Variants in ADAMTS2 observed in about 807,000 individuals in gnomAD.
ADAMTS2 encodes ADAM metallopeptidase with thrombospondin type 1 motif 2.
Under a neutral mutation model 123.0 loss-of-function variants are expected in ADAMTS2, and 50 were observed. The observed-to-expected ratio is 0.41, with a 90% CI of 0.32 to 0.51. The LOEUF (loss-of-function observed/expected upper bound fraction) is 0.51. Ranked by LOEUF, ADAMTS2 falls within the 20% of genes least tolerant of loss-of-function variation. The pLI is 0.35. For missense variants in ADAMTS2, 1,494 were observed against 1,705.2 expected, an observed-to-expected ratio of 0.88 and a Z score of 2.18; for synonymous variants, 678 against 695.4, an observed-to-expected ratio of 0.98 and a Z score of 0.39.
At chr5:179,120,227 T>C (rs1439987731) in intron 21 of ADAMTS2, 1 of 152,136 alleles carries the variant, frequency 6.6e-6, no homozygotes, top group African/African-American at 2.4e-5. Context: ...ACAGGAGGTC[T>C]TTCCATCATT....
At chr5:179,230,074 T>C (rs1765373741) in intron 3 of ADAMTS2, among the ~76,000 whole-genome samples, 1 of 152,206 alleles carries the variant, frequency 6.6e-6, no homozygotes. Context: ...TAGAAAACAC[T>C]ATAATCAAAT....
intron 2 of ADAMTS2, among the ~76,000 whole-genome samples, chr5:179,298,913 G>C (rs1756420458): frequency 6.6e-6 from 1 of 152,068 alleles, no homozygotes; most frequent in Non-Finnish European, 1.5e-5. Context: ...CCTCTAAATA[G>C]CTCTTAAGTT....
At chr5:179,209,005 C>T (rs906248584) in intron 3 of ADAMTS2, among the ~76,000 whole-genome samples, 9 of 152,346 alleles carry the variant, frequency 5.9e-5, no homozygotes, top group Non-Finnish European at 8.8e-5. Context: ...TCACCCCCAA[C>T]GCCTCTCTCC....
At position 179,154,889 on chromosome 5, in the gene ADAMTS2, G is replaced by A. The variant is rs762460815; in HGVS notation, c.1163C>T (p.Pro388Leu). Residue 388 changes from proline to leucine, a missense_variant, in exon 7 of 22, where the codon CCG (proline) becomes CTG (leucine). Pro to Leu is a moderately conservative substitution (Grantham distance 98). This residue lies in a region of ADAMTS2 where 47 missense variants were observed against 92.7 expected (regional missense o/e 0.51). Transcript: ENST00000251582. ...ATGGTTCAGGGTGCAGCTGCGGACC[G>A]GATGGCACATGCCGGTGACAGGAGC... ...GYAPVTGMCH[P>L]VRSCTLNHED... is the part of the protein sequence containing the mutation. The A allele has an allele frequency of 1.2e-5, 19 of 1,613,594 alleles. No homozygotes were observed. The highest frequency in any genetic ancestry group is 2.2e-5 in the South Asian group (2 of 90,974).
chr5:179,218,363 G>C (rs1481051567), intron 3 of ADAMTS2, among the ~76,000 whole-genome samples: 4 of 152,212 alleles, frequency 2.6e-5, no homozygotes, highest in African/African-American at 9.6e-5. Flanking sequence ...TAATCATTAA[G>C]ATGAAATATG....
intron 2 of ADAMTS2, among the ~76,000 whole-genome samples, chr5:179,324,393 C>CTTTTT (rs35845418): frequency 1.6e-4 from 23 of 142,084 alleles, no homozygotes; most frequent in South Asian, 6.7e-4. Flanking sequence ...TTATTTTTCT[C>CTTTTT]TTTTTTTTTT....
intron 3 of ADAMTS2, among the ~76,000 whole-genome samples, chr5:179,220,882 C>T (rs1172038761): frequency 6.6e-6 from 1 of 152,208 alleles, no homozygotes; most frequent in African/African-American, 2.4e-5. Context: ...GAAGAGCTTG[C>T]AGCCAACACA....
chr5:179,336,390 G>C (rs1039514434), intron 2 of ADAMTS2, among the ~76,000 whole-genome samples: 20 of 152,256 alleles, frequency 1.3e-4, no homozygotes, highest in Non-Finnish European at 5.9e-5. Flanking sequence ...ACCCCCGGAG[G>C]CGGACGAAGC....
At chr5:179,205,973 G>GTGTTAGCCGGGA (rs1287330777) in intron 4 of ADAMTS2, among the ~76,000 whole-genome samples, 39 of 151,896 alleles carry the variant, frequency 2.6e-4, no homozygotes, top group Non-Finnish European at 1.2e-4. Flanking sequence ...GGGTTTCACC[G>GTGTTAGCCGGGA]TGGTCTCGAT....
intron 3 of ADAMTS2, among the ~76,000 whole-genome samples, chr5:179,238,791 G>T (rs573263446): frequency 6.6e-6 from 1 of 152,090 alleles, no homozygotes; most frequent in Non-Finnish European, 1.5e-5. Context: ...TGAGCTGAAC[G>T]AAGCAGGAGC....
chr5:179,113,325 G>GAATCATTAAAAAA lies in ADAMTS2; in HGVS notation c.*541_*542insTTTTTTAATGATT. 5.9e-6 allele frequency: 1 copy of GAATCATTAAAAAA among 168,880 alleles called. No individual in the cohort carries two copies. Among genetic ancestry groups the GAATCATTAAAAAA allele is most frequent in the Admixed American group, 5.5e-5 (1 of 18,284 alleles). The allele number at this position is 168,880 out of a possible 1,614,324, so 10.5% of individuals were successfully genotyped here. On this transcript the variant is annotated 3_prime_UTR_variant, in exon 22 of 22. Transcript: ENST00000251582. The stretch of plus-strand genomic sequence containing the variant: ...GGGTGTGGCTGTCAGGGCGGCCATG[G>GAATCATTAAAAAA]TCCCCAGCGGGCCACTACGCTCACC...
intron 3 of ADAMTS2, among the ~76,000 whole-genome samples, chr5:179,216,150 G>T (rs552733793): frequency 1.3e-5 from 2 of 152,224 alleles, no homozygotes; most frequent in Non-Finnish European, 2.9e-5. Context: ...ACATGGCCTG[G>T]GAGGCCCATG....
At chr5:179,159,334 C>T (rs1265444626) in intron 5 of ADAMTS2, among the ~76,000 whole-genome samples, 1 of 152,142 alleles carries the variant, frequency 6.6e-6, no homozygotes, top group African/African-American at 2.4e-5. Flanking sequence ...GTGTGGTGTG[C>T]AAGGCCAGAG....
At chr5:179,320,465 G>A (rs1229955182) in intron 2 of ADAMTS2, among the ~76,000 whole-genome samples, 4 of 147,196 alleles carry the variant, frequency 2.7e-5, no homozygotes, top group Non-Finnish European at 4.5e-5. Flanking sequence ...CCACCACTAC[G>A]CCTGGCTAAT....
rs552918305 is a variant in ADAMTS2, at chr5:179,129,550, G to A, written c.2457+382C>T. ...CCATCCTGCTTAGAGACACAGTCCA[G>A]CTCAACCTGGGTCTGGGCATCTAGC... is the stretch of plus-strand genomic sequence containing the variant. On this transcript the variant is annotated intron_variant, in intron 16 of 21. Coordinates refer to ENST00000251582, the MANE Select transcript of ADAMTS2 (RefSeq NM_014244.5). The surrounding 1 kb of genome is among the most constrained non-coding windows in gnomAD (Gnocchi z 4.1). 6.6e-6 allele frequency among the ~76,000 whole-genome samples: 1 copy of A among 152,170 alleles called. No homozygotes were observed. The highest frequency in any genetic ancestry group is 6.5e-5 in the Admixed American group (1 of 15,274).
chr5:179,144,366 A>C (rs1447572002), intron 10 of ADAMTS2, among the ~76,000 whole-genome samples: 2 of 152,232 alleles, frequency 1.3e-5, no homozygotes, highest in African/African-American at 4.8e-5. Context: ...TACAGGTTCA[A>C]CATAATTCCT....
rs1766055622 is a variant in ADAMTS2 at position 179,256,514 on chromosome 5, A to T, written c.688+16397T>A. On this transcript the variant is annotated intron_variant, in intron 3 of 21. Coordinates refer to ENST00000251582, the MANE Select transcript of ADAMTS2 (RefSeq NM_014244.5). This position sits in a 1 kb window ranked among gnomAD's most constrained non-coding sequence, Gnocchi z 4.1. ...GTCTGCTCTGACCATGGGTGTGTGCATGCCTGCGTGTGTGTGAGAGAGAGA... is the reference window on the plus strand; with the variant it reads ...GTCTGCTCTGACCATGGGTGTGTGCTTGCCTGCGTGTGTGTGAGAGAGAGA... Among the ~76,000 whole-genome samples the T allele has an allele frequency of 7.0e-6, 1 of 142,530 alleles. No homozygotes were observed. Among genetic ancestry groups the T allele is most frequent in the Non-Finnish European group, 1.6e-5 (1 of 62,772 alleles). The allele number at this position is 142,530 out of a possible 152,430, so 93.5% of individuals were successfully genotyped here.
chr5:179,232,156 G>A (rs1434378690), intron 3 of ADAMTS2, among the ~76,000 whole-genome samples: 4 of 152,154 alleles, frequency 2.6e-5, no homozygotes, highest in Admixed American at 6.5e-5. Context: ...GTGCCCTCTC[G>A]ACACTTGGTT....
chr5:179,182,329 C>T (rs1366067734), intron 4 of ADAMTS2, among the ~76,000 whole-genome samples: 1 of 152,154 alleles, frequency 6.6e-6, no homozygotes, highest in African/African-American at 2.4e-5. Flanking sequence ...GCAGACCGAG[C>T]CCAGGGGCTG....
Sources: allele counts gnomAD v4.1 joint callset (sites outside exome capture counted in the v4.1 genomes callset), GRCh38; gene constraint gnomAD v4.1.1; regional missense constraint gnomAD v4.1.1; non-coding constraint Gnocchi (gnomAD v3.1); transcripts MANE v1.5; gene names NCBI Gene and HGNC (gene_info 2026-07-23, HGNC 2026-07-21).